The following TMEM150C variants were observed in gnomAD, a reference collection of about 807,000 sequenced individuals.
TMEM150C encodes transmembrane protein 150C.
In TMEM150C, 10 loss-of-function variants were observed where a neutral mutation model predicts 29.9. The ratio of observed to expected loss-of-function variants is 0.33; its 90% confidence interval spans 0.21 to 0.57. TMEM150C has a LOEUF of 0.57. Ranked by LOEUF, TMEM150C falls within the 20% of genes least tolerant of loss-of-function variation. The pLI is 0.88. For missense variants in TMEM150C, 251 were observed against 303.6 expected (o/e 0.83, Z 1.29); for synonymous variants, 101 against 112.5 (o/e 0.90, Z 0.64).
chr4:82,561,869 C>T, intron 1 of TMEM150C, 37 bp downstream of exon 1: 1 of 984,078 alleles, frequency 1.0e-6, no homozygotes, highest in South Asian at 4.7e-5. Context: ...CCTGGCTGCG[C>T]GACGGGCCCA....
At chr4:82,512,433 AG>A (rs1259126469) in intron 1 of TMEM150C, among the ~76,000 whole-genome samples, 4 of 152,222 alleles carry the variant, frequency 2.6e-5, no homozygotes, top group Admixed American at 2.6e-4. Context: ...GTAGGGTGGT[AG>A]AGCACCAAAA....
intron 1 of TMEM150C, among the ~76,000 whole-genome samples, chr4:82,536,646 G>A (rs948682648): frequency 6.6e-6 from 1 of 152,090 alleles, no homozygotes; most frequent in Non-Finnish European, 1.5e-5. Flanking sequence ...GGAGGCAGAG[G>A]TGGGAGGATC....
intron 1 of TMEM150C, among the ~76,000 whole-genome samples, chr4:82,525,637 C>G (rs1411954764): frequency 6.6e-6 from 1 of 152,150 alleles, no homozygotes; most frequent in East Asian, 1.9e-4. Context: ...AAATGCTTAA[C>G]AGCTTTGAAT....
intron 1 of TMEM150C, 84 bp from the exon 2 acceptor site, chr4:82,504,751 C>A: frequency 8.4e-7 from 1 of 1,196,466 alleles, no homozygotes. Flanking sequence ...TCTAACTGGG[C>A]CAAGCACGGT....
intron 1 of TMEM150C, among the ~76,000 whole-genome samples, chr4:82,549,533 T>C (rs747508799): frequency 6.6e-6 from 1 of 152,156 alleles, no homozygotes; most frequent in African/African-American, 2.4e-5. Flanking sequence ...GTTTTGGAGA[T>C]TGGATGTACA....
chr4:82,528,847 G>A (rs146806933), intron 1 of TMEM150C, among the ~76,000 whole-genome samples: 102 of 152,168 alleles, frequency 6.7e-4, no homozygotes, highest in African/African-American at 2.3e-3. Flanking sequence ...GCCCGCCTCG[G>A]CCTCCCAAAG....
At position 82,507,386 on chromosome 4, in the gene TMEM150C, A is replaced by C. The variant is rs1291383769; in HGVS notation, c.-10-2719T>G. Among the ~76,000 whole-genome samples, 3 of 152,228 alleles carry C rather than the reference A, an allele frequency of 2.0e-5. No homozygotes were observed. The East Asian group carries it at 5.8e-4, about 29-fold the overall frequency. On this transcript the variant is annotated intron_variant, in intron 1 of 7. Coordinates refer to ENST00000449862, the MANE Select transcript of TMEM150C (RefSeq NM_001080506.3). ...GGAGGTAGAGTGAAGAGGGTTAACA[A>C]GATAATTCTAAGACTATGGCATCAA...
intron 1 of TMEM150C, among the ~76,000 whole-genome samples, chr4:82,541,386 T>C (rs1183172501): frequency 6.6e-6 from 1 of 152,102 alleles, no homozygotes; most frequent in Non-Finnish European, 1.5e-5. Flanking sequence ...TCCTAGCTCA[T>C]TGCTCTCCTC....
At chr4:82,504,702 C>T (rs2110070181) in intron 1 of TMEM150C, 35 bp from the exon 2 acceptor site, 1 of 1,529,726 alleles carries the variant, frequency 6.5e-7, no homozygotes, top group Non-Finnish European at 9.0e-7. Context: ...ATAATTAAGG[C>T]AAAACATTTA....
chr4:82,521,609 G>C (rs1724488168), intron 1 of TMEM150C, among the ~76,000 whole-genome samples: 1 of 152,190 alleles, frequency 6.6e-6, no homozygotes, highest in Non-Finnish European at 1.5e-5. Context: ...CTGGGCCTTG[G>C]GTAGTAAACA....
chr4:82,509,326 A>G (rs551816967), intron 1 of TMEM150C, among the ~76,000 whole-genome samples: 8 of 152,244 alleles, frequency 5.3e-5, no homozygotes, highest in African/African-American at 1.7e-4. Context: ...GGCTCCCACT[A>G]TTGACATTTT....
chr4:82,490,364 G>T, intron 6 of TMEM150C, 126 bp from the exon 7 acceptor site: 5 of 841,296 alleles, frequency 5.9e-6, no homozygotes, highest in Non-Finnish European at 9.6e-6. Context: ...ATGATAGATT[G>T]CAGAAAGATT....
intron 1 of TMEM150C, among the ~76,000 whole-genome samples, chr4:82,528,530 T>C (rs1488223729): frequency 6.6e-6 from 1 of 151,998 alleles, no homozygotes; most frequent in Non-Finnish European, 1.5e-5. Context: ...TCATTGGAAA[T>C]TAATTTCCCC....
intron 1 of TMEM150C, among the ~76,000 whole-genome samples, chr4:82,514,084 G>A (rs1414584614): frequency 6.6e-6 from 1 of 152,224 alleles, no homozygotes; most frequent in East Asian, 1.9e-4. Flanking sequence ...TTCAGATTTG[G>A]CGAAGGAGGA....
intron 1 of TMEM150C, among the ~76,000 whole-genome samples, chr4:82,512,296 T>C (rs745538395): frequency 6.6e-6 from 1 of 152,206 alleles, no homozygotes; most frequent in African/African-American, 2.4e-5. Context: ...ATACTGAGAA[T>C]GGCAGATTAG....
intron 1 of TMEM150C, among the ~76,000 whole-genome samples, chr4:82,529,116 G>A (rs1024222340): frequency 6.6e-6 from 1 of 152,064 alleles, no homozygotes; most frequent in African/African-American, 2.4e-5. Flanking sequence ...AGAGCACAGA[G>A]CACAGGAGAG....
chr4:82,495,742 C>A, intron 6 of TMEM150C: 1 of 337,300 alleles, frequency 3.0e-6, no homozygotes, highest in South Asian at 3.3e-5. Flanking sequence ...ACCACTGATT[C>A]GGACCACATA....
At chr4:82,510,744 A>G (rs541074559) in intron 1 of TMEM150C, among the ~76,000 whole-genome samples, 1 of 152,150 alleles carries the variant, frequency 6.6e-6, no homozygotes, top group African/African-American at 2.4e-5. Flanking sequence ...TCCTGCTACA[A>G]TAGTTTTTCA....
At chr4:82,492,357 A>G (rs1272945884) in intron 6 of TMEM150C, among the ~76,000 whole-genome samples, 2 of 145,106 alleles carry the variant, frequency 1.4e-5, no homozygotes, top group East Asian at 2.1e-4. Flanking sequence ...CAAACTCCCA[A>G]CCTCAGATGA....
Sources: allele counts gnomAD v4.1 joint callset (sites outside exome capture counted in the v4.1 genomes callset), GRCh38; gene constraint gnomAD v4.1.1; transcripts MANE v1.5; gene names NCBI Gene and HGNC (gene_info 2026-07-23, HGNC 2026-07-21).